The following NRG1 variants were observed in gnomAD, a reference collection of about 807,000 sequenced individuals.
NRG1 encodes the protein neuregulin 1.
In NRG1, 18 loss-of-function variants were observed where a neutral mutation model predicts 63.8. The ratio of observed to expected loss-of-function variants is 0.28; its 90% CI spans 0.19 to 0.42. The LOEUF (loss-of-function observed/expected upper bound fraction) is 0.42, where lower values mean the gene tolerates loss of function less well. NRG1 is among the 10% of genes least tolerant of loss of function. NRG1 has a pLI of 1.00. For missense variants in NRG1, 762 were observed against 814.7 expected, an observed-to-expected ratio of 0.94 and a Z score of 0.79; for synonymous variants, 302 against 301.3, an observed-to-expected ratio of 1.00 and a Z score of -0.02.
chr8:32,638,863 T>C (rs1335707911), intron 5 of NRG1, among the ~76,000 whole-genome samples: 1 of 152,210 alleles, frequency 6.6e-6, no homozygotes, highest in Non-Finnish European at 1.5e-5. Flanking sequence ...TTAAATGGGA[T>C]ACGTCTGCTT....
At position 32,064,208 on chromosome 8, in the gene NRG1, C is replaced by G. The variant is rs117116706; in HGVS notation, c.37+424777C>G. Among the ~76,000 whole-genome samples, 1,112 of 152,144 alleles carry G rather than the reference C, an allele frequency of 7.3e-3. 9 individuals carry two copies. The highest frequency in any genetic ancestry group is 0.031 in the Middle Eastern group (9 of 292). On this transcript the variant is annotated intron_variant, in intron 1 of 10. Transcript: ENST00000519301. ...AGCAACAAAAAGGAGAAGTCATCGG[C>G]TAAGCTAGATAGCCAAACAAAATGG...
chr8:31,891,560 C>T (rs781308469), intron 1 of NRG1, among the ~76,000 whole-genome samples: 1 of 152,098 alleles, frequency 6.6e-6, no homozygotes, highest in Admixed American at 6.5e-5. Flanking sequence ...AATAGTACAG[C>T]CCATACTAGG....
intron 1 of NRG1, among the ~76,000 whole-genome samples, chr8:31,695,456 C>T (rs1809964296): frequency 6.6e-6 from 1 of 152,188 alleles, no homozygotes; most frequent in Admixed American, 6.5e-5. Flanking sequence ...AAGCGTGAGC[C>T]ACCATGCTCG....
chr8:32,410,563 G>T (rs1309137582), intron 1 of NRG1, among the ~76,000 whole-genome samples: 1 of 152,150 alleles, frequency 6.6e-6, no homozygotes, highest in Non-Finnish European at 1.5e-5. Flanking sequence ...TTCTTAGAAA[G>T]GTGCATGATT....
intron 1 of NRG1, among the ~76,000 whole-genome samples, chr8:31,855,426 G>A (rs1414974299): frequency 6.6e-6 from 1 of 152,040 alleles, no homozygotes; most frequent in Admixed American, 6.6e-5. Flanking sequence ...CAGAGACTAG[G>A]ATTGCAACCC....
chr8:32,170,815 G>C (rs1839947176), intron 1 of NRG1, among the ~76,000 whole-genome samples: 1 of 152,082 alleles, frequency 6.6e-6, no homozygotes. Context: ...GTCGATATTT[G>C]GTTTTATAGG....
chr8:32,623,993 A>T (rs575071989), intron 5 of NRG1, among the ~76,000 whole-genome samples: 64 of 152,286 alleles, frequency 4.2e-4, no homozygotes, highest in African/African-American at 1.5e-3. Context: ...ATAGATATAG[A>T]TATAGATCAT....
intron 1 of NRG1, among the ~76,000 whole-genome samples, chr8:31,991,476 A>C (rs1026588112): frequency 6.6e-6 from 1 of 151,882 alleles, no homozygotes; most frequent in Non-Finnish European, 1.5e-5. Flanking sequence ...TTCATGTCCA[A>C]GCACTGTCTG....
At chr8:32,314,325 C>T (rs118151218) in intron 1 of NRG1, among the ~76,000 whole-genome samples, 1 of 152,300 alleles carries the variant, frequency 6.6e-6, no homozygotes, top group East Asian at 1.9e-4. Flanking sequence ...GTTCCCTTAC[C>T]ACTAAAGTGG....
intron 1 of NRG1, among the ~76,000 whole-genome samples, chr8:31,854,518 C>T (rs1316098811): frequency 6.6e-6 from 1 of 151,506 alleles, no homozygotes; most frequent in Non-Finnish European, 1.5e-5. Context: ...CTTTATTAGT[C>T]TTGCTAGCGG....
intron 1 of NRG1, among the ~76,000 whole-genome samples, chr8:31,870,164 T>C (rs1829351001): frequency 6.6e-6 from 1 of 152,058 alleles, no homozygotes; most frequent in Non-Finnish European, 1.5e-5. Context: ...GGGAAACTTA[T>C]CAGACACACT....
chr8:31,869,112 G>T (rs1261092213), intron 1 of NRG1, among the ~76,000 whole-genome samples: 1 of 152,180 alleles, frequency 6.6e-6, no homozygotes. Context: ...CTGGGATAGA[G>T]GTTAATGTCT....
At chr8:32,632,742 T>C (rs1355812806) in intron 5 of NRG1, among the ~76,000 whole-genome samples, 1 of 152,192 alleles carries the variant, frequency 6.6e-6, no homozygotes, top group African/African-American at 2.4e-5. Context: ...ATGTTCATCC[T>C]GATCATTTTA....
At chr8:32,570,503 T>G (rs2129528601) in intron 1 of NRG1, among the ~76,000 whole-genome samples, 1 of 152,290 alleles carries the variant, frequency 6.6e-6, no homozygotes, top group South Asian at 2.1e-4. Context: ...TGCTTTTAAA[T>G]ATTTTTTTTG....
chr8:32,099,019 T>A (rs1184337735), intron 1 of NRG1, among the ~76,000 whole-genome samples: 1 of 152,160 alleles, frequency 6.6e-6, no homozygotes, highest in East Asian at 1.9e-4. Flanking sequence ...GTAAAGAGAA[T>A]TTACCCAGAC....
chr8:32,255,899 G>C (rs925206194), intron 1 of NRG1, among the ~76,000 whole-genome samples: 3 of 152,092 alleles, frequency 2.0e-5, no homozygotes, highest in Non-Finnish European at 4.4e-5. Context: ...TAGGGGCTTT[G>C]TTTGTTCCTT....
At chr8:31,868,146 TTA>T (rs1491538788) in intron 1 of NRG1, among the ~76,000 whole-genome samples, 2,063 of 115,848 alleles carry the variant, frequency 0.018, 52 homozygotes, top group East Asian at 0.076. Flanking sequence ...CACATACATC[TTA>T]CACACACACA....
chr8:32,647,654 TG>T lies in NRG1; in HGVS notation c.502+30776del, dbSNP rs551988053. ...CCTGTAAGATGCTGTATCATTTGGTTGGGGGGGCCTCTGCGTGGTAATGGAC... is the reference window on the plus strand; with the variant it reads ...CCTGTAAGATGCTGTATCATTTGGTTGGGGGGCCTCTGCGTGGTAATGGAC... On this transcript the variant is annotated intron_variant, in intron 5 of 11. Transcript: ENST00000356819. The T allele has an allele frequency of 2.0e-3, 2,960 of 1,497,848 alleles. 5 individuals are homozygous for T. Among genetic ancestry groups the T allele is most frequent in the Non-Finnish European group, 2.4e-3 (2,691 of 1,128,830 alleles). The allele number at this position is 1,497,848 out of a possible 1,614,324, so 92.8% of individuals were successfully genotyped here. A position where few individuals can be genotyped will look rare whatever the true frequency, so the allele number is the denominator to read the frequency against.
At chr8:32,457,158 T>A (rs1042438942) in intron 1 of NRG1, among the ~76,000 whole-genome samples, 4 of 151,920 alleles carry the variant, frequency 2.6e-5, no homozygotes, top group South Asian at 4.1e-4. Context: ...ATAAATAAAT[T>A]ATATCTCCTC....
Sources: allele counts gnomAD v4.1 joint callset (sites outside exome capture counted in the v4.1 genomes callset), GRCh38; gene constraint gnomAD v4.1.1; transcripts MANE v1.5; gene names NCBI Gene and HGNC (gene_info 2026-07-23, HGNC 2026-07-21).